LAMA2: variants seen among roughly 807,000 people sequenced by gnomAD.
LAMA2 encodes laminin subunit alpha-2.
In LAMA2, 269 loss-of-function variants were observed where a neutral mutation model predicts 364.8. The ratio of observed to expected loss-of-function variants is 0.74; its 90% CI spans 0.67 to 0.82. The LOEUF (loss-of-function observed/expected upper bound fraction) is 0.82, where lower values mean the gene tolerates loss of function less well. Among genes scored for constraint, LAMA2 ranks in the 40% least tolerant of loss-of-function variants. The probability of loss-of-function intolerance (pLI) is 0.00; values close to 1 mark genes in which losing one functional copy is unlikely to be tolerated. For missense variants in LAMA2, 3,807 were observed against 3,873.2 expected (o/e 0.98, Z 0.45); for synonymous variants, 1,379 against 1,370.6 (o/e 1.01, Z -0.14).
At chr6:129,299,812 G>A (rs1773433786) in intron 21 of LAMA2, among the ~76,000 whole-genome samples, 1 of 152,156 alleles carries the variant, frequency 6.6e-6, no homozygotes, top group Non-Finnish European at 1.5e-5. Context: ...TTCATAAAAA[G>A]TGAATTTAGT....
intron 10 of LAMA2, among the ~76,000 whole-genome samples, chr6:129,182,903 T>C (rs1229667466): frequency 6.6e-6 from 1 of 151,882 alleles, no homozygotes; most frequent in Non-Finnish European, 1.5e-5. Context: ...AATGTCTTAA[T>C]ATAATTTCTA....
At chr6:128,895,468 T>TAAAAAAAAAA (rs34458994) in intron 1 of LAMA2, among the ~76,000 whole-genome samples, 2 of 65,836 alleles carry the variant, frequency 3.0e-5, no homozygotes, top group South Asian at 5.5e-4. Context: ...CTGTCTCTAC[T>TAAAAAAAAAA]AAAAAAAAAA....
At chr6:129,329,020 C>T (rs1460462849) in intron 29 of LAMA2, among the ~76,000 whole-genome samples, 1 of 152,080 alleles carries the variant, frequency 6.6e-6, no homozygotes, top group Non-Finnish European at 1.5e-5. Context: ...CTGCTGGCAC[C>T]CTGCACTCTC....
chr6:129,469,697 T>C (rs2114817651), intron 51 of LAMA2, among the ~76,000 whole-genome samples: 1 of 151,750 alleles, frequency 6.6e-6, no homozygotes, highest in East Asian at 1.9e-4. Flanking sequence ...AAATCACATA[T>C]CCATCGACAG....
At chr6:128,922,060 G>C (rs1200630458) in intron 1 of LAMA2, among the ~76,000 whole-genome samples, 1 of 152,064 alleles carries the variant, frequency 6.6e-6, no homozygotes, top group Non-Finnish European at 1.5e-5. Flanking sequence ...TGGCTGCATA[G>C]TATTCCATGG....
intron 1 of LAMA2, among the ~76,000 whole-genome samples, chr6:128,975,542 T>C (rs911994319): frequency 6.6e-6 from 1 of 152,154 alleles, no homozygotes; most frequent in African/African-American, 2.4e-5. Context: ...ATAATATAGT[T>C]TGGCTGTGTC....
chr6:129,060,896 T>A (rs1209225158), intron 3 of LAMA2, among the ~76,000 whole-genome samples: 1 of 152,176 alleles, frequency 6.6e-6, no homozygotes, highest in Non-Finnish European at 1.5e-5. Flanking sequence ...CATATGGGCC[T>A]CCTCGGGATA....
intron 12 of LAMA2, among the ~76,000 whole-genome samples, chr6:129,217,009 C>A (rs1236929696): frequency 2.0e-5 from 3 of 151,880 alleles, no homozygotes; most frequent in Non-Finnish European, 4.4e-5. Flanking sequence ...GCCAACATGA[C>A]GAAACCCTGT....
At chr6:129,224,142 T>A (rs1379904698) in intron 12 of LAMA2, among the ~76,000 whole-genome samples, 1 of 152,216 alleles carries the variant, frequency 6.6e-6, no homozygotes, top group African/African-American at 2.4e-5. Context: ...TTTGGCTCTC[T>A]GATTGTCTGT....
At chr6:129,203,402 C>G (rs1485991635) in intron 12 of LAMA2, among the ~76,000 whole-genome samples, 1 of 152,186 alleles carries the variant, frequency 6.6e-6, no homozygotes, top group African/African-American at 2.4e-5. Flanking sequence ...ATAGATCAGA[C>G]CCACCCCTTG....
Position 129,313,073 on chromosome 6 carries a change from T to C in LAMA2, c.3387T>C (p.Asp1129=). 1 of 1,610,740 alleles carries C rather than the reference T, an allele frequency of 6.2e-7. No individual in the cohort carries two copies. The highest frequency in any genetic ancestry group is 8.5e-7 in the Non-Finnish European group (1 of 1,177,162). The change falls in exon 23 of 65, where the codon GAT becomes GAC. Residue 1129 remains aspartate (D), a synonymous_variant. Coordinates refer to ENST00000421865, the MANE Select transcript of LAMA2 (RefSeq NM_000426.4). ...DSETKKCSCS[D]QTGQCTCKVN... ...AGACTAAAAAATGCTCCTGTAGTGA[T>C]CAAACTGGGCAGTGCACTTGTAAGG... is the stretch of plus-strand genomic sequence containing the variant.
At chr6:129,392,039 T>G (rs1360028554) in intron 36 of LAMA2, among the ~76,000 whole-genome samples, 1 of 152,204 alleles carries the variant, frequency 6.6e-6, no homozygotes, top group Non-Finnish European at 1.5e-5. Context: ...TAAAAATACC[T>G]TTGGATAAAC....
At chr6:129,126,903 AG>A (rs1769358944) in intron 4 of LAMA2, among the ~76,000 whole-genome samples, 1 of 152,020 alleles carries the variant, frequency 6.6e-6, no homozygotes, top group African/African-American at 2.4e-5. Context: ...AAACGCCACC[AG>A]AAAAAATGCA....
Position 129,443,115 on chromosome 6 carries a change from A to G in LAMA2, c.6274+47A>G, listed in dbSNP as rs73775411. Reference sequence around the variant, plus strand: ...TACCTTTTAGTAACGCTCATGCTTCATTGCCTATTGCAAAAAGTTTCAGCT... The same window carrying G: ...TACCTTTTAGTAACGCTCATGCTTCGTTGCCTATTGCAAAAAGTTTCAGCT... On this transcript the variant is annotated intron_variant, in intron 44 of 64. Coordinates refer to ENST00000421865, the MANE Select transcript of LAMA2 (RefSeq NM_000426.4). 1.2e-5 allele frequency: 17 copies of G among 1,447,878 alleles called. No individual in the cohort carries two copies. In the South Asian group the frequency reaches 1.7e-4, roughly 15 times the overall value. 89.7% of individuals were successfully genotyped at this position (1,447,878 alleles called of 1,614,324 possible). A position where few individuals can be genotyped will look rare whatever the true frequency, so the allele number is the denominator to read the frequency against.
At chr6:129,371,384 T>C (rs764361070) in intron 34 of LAMA2, among the ~76,000 whole-genome samples, 16 of 151,926 alleles carry the variant, frequency 1.1e-4, no homozygotes, top group Non-Finnish European at 1.5e-4. Context: ...GGAGAAATAT[T>C]TAATAATAGA....
At chr6:129,340,110 G>A (rs533728037) in intron 29 of LAMA2, among the ~76,000 whole-genome samples, 1 of 152,276 alleles carries the variant, frequency 6.6e-6, no homozygotes, top group South Asian at 2.1e-4. Flanking sequence ...CCTGATGATT[G>A]TAAGTTTTGC....
intron 1 of LAMA2, among the ~76,000 whole-genome samples, chr6:128,941,862 C>T (rs777146486): frequency 6.6e-6 from 1 of 152,038 alleles, no homozygotes; most frequent in Non-Finnish European, 1.5e-5. Flanking sequence ...TCACTGAGAC[C>T]TCAATAATAG....
intron 60 of LAMA2, among the ~76,000 whole-genome samples, chr6:129,504,439 A>C (rs58086758): frequency 1.3e-5 from 2 of 152,364 alleles, no homozygotes; most frequent in African/African-American, 2.4e-5. Context: ...CCAAACCAGA[A>C]TAGATATGTG....
chr6:128,898,138 G>A (rs1776880126), intron 1 of LAMA2, among the ~76,000 whole-genome samples: 1 of 152,188 alleles, frequency 6.6e-6, no homozygotes, highest in Non-Finnish European at 1.5e-5. Context: ...ACAATCAGTG[G>A]TGTTTTCAGC....
Sources: allele counts gnomAD v4.1 joint callset (sites outside exome capture counted in the v4.1 genomes callset), GRCh38; gene constraint gnomAD v4.1.1; transcripts MANE v1.5; gene names NCBI Gene and HGNC (gene_info 2026-07-23, HGNC 2026-07-21).